The following UNC13C variants were observed in gnomAD, a reference collection of about 807,000 sequenced individuals.
UNC13C encodes protein unc-13 homolog C.
A neutral mutation model predicts 245.4 loss-of-function variants in UNC13C; 174 were observed. The ratio of observed to expected loss-of-function variants is 0.71; its 90% CI spans 0.63 to 0.80. The LOEUF (loss-of-function observed/expected upper bound fraction) is 0.80. Among genes scored for constraint, UNC13C ranks in the 30% least tolerant of loss-of-function variants. The pLI is 0.00. For missense variants in UNC13C, 2,829 were observed against 2,602.9 expected (o/e 1.09, Z -1.89); for synonymous variants, 992 against 895.1 (o/e 1.11, Z -1.93).
At chr15:53,862,887 G>A in the UNC13C span, among the ~76,000 whole-genome samples, 5 of 152,068 alleles carry the variant, frequency 3.3e-5, no homozygotes, top group South Asian at 1.0e-3. Context: ...TCTGTCCCTG[G>A]CTCCCCCAAA....
chr15:53,908,063 A>G, the UNC13C span, among the ~76,000 whole-genome samples: 2 of 146,818 alleles, frequency 1.4e-5, no homozygotes, highest in Admixed American at 1.4e-4. Flanking sequence ...ATTATCCTTT[A>G]GCTGTTGAAT....
chr15:54,476,787 T>C (rs1399439225), intron 19 of UNC13C, among the ~76,000 whole-genome samples: 1 of 148,826 alleles, frequency 6.7e-6, no homozygotes, highest in Admixed American at 6.7e-5. Context: ...GACTTGGTGA[T>C]GCGGGCTCTT....
At chr15:54,500,535 CG>C (rs1482222542) in intron 21 of UNC13C, among the ~76,000 whole-genome samples, 8 of 152,024 alleles carry the variant, frequency 5.3e-5, no homozygotes, top group Non-Finnish European at 8.8e-5. Context: ...CTCCCAAAAT[CG>C]TGAGCCACAA....
chr15:53,927,755 C>T, the UNC13C span, among the ~76,000 whole-genome samples: 1 of 152,034 alleles, frequency 6.6e-6, no homozygotes, highest in Non-Finnish European at 1.5e-5. Flanking sequence ...GAAATGGATC[C>T]CTACTGGCTT....
At chr15:53,851,064 A>G in the UNC13C span, among the ~76,000 whole-genome samples, 98 of 151,904 alleles carry the variant, frequency 6.5e-4, no homozygotes, top group South Asian at 1.5e-3. Context: ...TTCTCTTATT[A>G]TTTAAATTTT....
chr15:54,589,752 G>A (rs920407925), intron 30 of UNC13C, among the ~76,000 whole-genome samples: 1 of 152,062 alleles, frequency 6.6e-6, no homozygotes, highest in African/African-American at 2.4e-5. Context: ...CTCCCACTCT[G>A]TGGATTGACT....
At chr15:54,528,546 C>A (rs142198668) in intron 25 of UNC13C, among the ~76,000 whole-genome samples, 13 of 151,606 alleles carry the variant, frequency 8.6e-5, no homozygotes, top group Non-Finnish European at 1.2e-4. Context: ...CTAGTCTATT[C>A]TTTTTCTATT....
intron 4 of UNC13C, among the ~76,000 whole-genome samples, chr15:54,227,179 T>C (rs1030022750): frequency 7.2e-5 from 11 of 152,226 alleles, no homozygotes; most frequent in African/African-American, 2.6e-4. Context: ...ATCGTTCTTA[T>C]TTCTGTTTAA....
At chr15:54,447,237 T>C (rs905536467) in intron 19 of UNC13C, among the ~76,000 whole-genome samples, 2 of 151,936 alleles carry the variant, frequency 1.3e-5, no homozygotes, top group African/African-American at 4.8e-5. Flanking sequence ...ATCAGGGATA[T>C]TGGTCTAAAA....
At chr15:54,109,715 C>A (rs938600317) in intron 2 of UNC13C, among the ~76,000 whole-genome samples, 1 of 152,086 alleles carries the variant, frequency 6.6e-6, no homozygotes, top group South Asian at 2.1e-4. Flanking sequence ...ACCTCATAAA[C>A]CCTATACACA....
chr15:53,982,372 G>A (rs570934742), intron 1 of UNC13C, among the ~76,000 whole-genome samples: 32 of 152,200 alleles, frequency 2.1e-4, no homozygotes, highest in African/African-American at 7.2e-4. Context: ...GTAGCTTCTC[G>A]AAGCATGTAA....
chr15:54,602,537 T>C (rs1279854809), intron 30 of UNC13C, among the ~76,000 whole-genome samples: 1 of 152,238 alleles, frequency 6.6e-6, no homozygotes, highest in Non-Finnish European at 1.5e-5. Flanking sequence ...TTTAAAAGCA[T>C]GAGCATATTT....
chr15:53,911,138 T>C, the UNC13C span: 3 of 152,260 alleles, frequency 2.0e-5, no homozygotes, highest in Admixed American at 2.0e-4. Context: ...AGGAAGTACA[T>C]GCTCAGTTCC....
At chr15:54,135,967 C>T (rs954337241) in intron 2 of UNC13C, among the ~76,000 whole-genome samples, 9 of 152,088 alleles carry the variant, frequency 5.9e-5, no homozygotes, top group Non-Finnish European at 5.9e-5. Context: ...ATCAGTTTTT[C>T]CAGTGCAGGC....
chr15:53,976,851 A>G (rs1566926965), upstream of UNC13C: 2 of 152,204 alleles, frequency 1.3e-5, no homozygotes, highest in Non-Finnish European at 2.9e-5. Context: ...GTGAAAACAG[A>G]TTCAGTGAAT....
chr15:54,338,787 A>T (rs960556870), intron 17 of UNC13C, among the ~76,000 whole-genome samples: 3 of 152,194 alleles, frequency 2.0e-5, no homozygotes, highest in Non-Finnish European at 4.4e-5. Flanking sequence ...TAATTGGCAG[A>T]TTTGGGACTA....
intron 15 of UNC13C, 37 bp from the exon 16 acceptor site, chr15:54,333,729 GC>G: frequency 7.1e-7 from 1 of 1,415,622 alleles, no homozygotes; most frequent in Non-Finnish European, 9.8e-7. Flanking sequence ...GAAGTTTACT[GC>G]TGACAACCTT....
intron 29 of UNC13C, among the ~76,000 whole-genome samples, chr15:54,557,872 G>C (rs1206765196): frequency 6.6e-6 from 1 of 152,004 alleles, no homozygotes; most frequent in Non-Finnish European, 1.5e-5. Context: ...GATAGGTCAA[G>C]AATGATTAAG....
chr15:54,050,620 C>A (rs1897236095), intron 2 of UNC13C: 3 of 437,360 alleles, frequency 6.9e-6, no homozygotes, highest in Admixed American at 3.0e-5. Flanking sequence ...TTAAATTTAT[C>A]ATCAGAACTT....
Sources: gnomAD v4.1 joint callset for allele counts (sites outside exome capture counted in the v4.1 genomes callset) on GRCh38, gnomAD v4.1.1 for gene constraint, MANE v1.5 for transcripts, NCBI Gene and HGNC (gene_info 2026-07-23, HGNC 2026-07-21) for gene names.